Variants in FOXP1 observed in about 807,000 individuals in gnomAD.
FOXP1 encodes forkhead box protein P1.
A neutral mutation model predicts 98.2 loss-of-function variants in FOXP1; 15 were observed. The observed-to-expected ratio is 0.15, with a 90% confidence interval of 0.10 to 0.24. The LOEUF (loss-of-function observed/expected upper bound fraction) is 0.24. FOXP1 is among the 10% of genes least tolerant of loss of function. FOXP1 has a pLI of 1.00. For synonymous variants in FOXP1, 371 were observed against 314.5 expected (o/e 1.18, Z -1.90); for missense variants, 633 against 848.5 (o/e 0.75, Z 3.15).
chr3:71,017,169 A>T (rs2044621696), intron 11 of FOXP1, among the ~76,000 whole-genome samples: 1 of 152,176 alleles, frequency 6.6e-6, no homozygotes, highest in South Asian at 2.1e-4. Flanking sequence ...AGCAGTTAAC[A>T]GGGTAAAACT....
intron 2 of FOXP1, among the ~76,000 whole-genome samples, chr3:71,539,297 T>G (rs1233319333): frequency 1.6e-5 from 2 of 128,350 alleles, no homozygotes; most frequent in Non-Finnish European, 3.4e-5. Flanking sequence ...TTTTTTTTTG[T>G]ATGTTAGTAG....
chr3:71,356,401 T>C (rs2078163067), intron 4 of FOXP1, among the ~76,000 whole-genome samples: 1 of 152,152 alleles, frequency 6.6e-6, no homozygotes, highest in Middle Eastern at 3.4e-3. Flanking sequence ...TACAAGGGAA[T>C]ACCAGGTGAG....
chr3:70,967,835 C>T (rs1450501041), intron 19 of FOXP1, among the ~76,000 whole-genome samples: 1 of 149,290 alleles, frequency 6.7e-6, no homozygotes, highest in East Asian at 2.0e-4. Flanking sequence ...ACTGGAAATA[C>T]CATAAGATAA....
At chr3:71,258,133 C>T (rs146652549) in intron 5 of FOXP1, among the ~76,000 whole-genome samples, 2 of 152,184 alleles carry the variant, frequency 1.3e-5, no homozygotes, top group African/African-American at 2.4e-5. Flanking sequence ...TTGTGGCTTT[C>T]GAATCTGAAA....
chr3:71,160,967 G>A (rs1436144327), intron 6 of FOXP1, among the ~76,000 whole-genome samples: 2 of 152,152 alleles, frequency 1.3e-5, no homozygotes, highest in Non-Finnish European at 2.9e-5. Flanking sequence ...AGACGGGAGT[G>A]ACTGAACTTA....
At chr3:71,404,859 G>A (rs1560437285) in intron 3 of FOXP1, among the ~76,000 whole-genome samples, 1 of 152,096 alleles carries the variant, frequency 6.6e-6, no homozygotes, top group African/African-American at 2.4e-5. Context: ...TAGACTAAAC[G>A]GCAGACAGAG....
At chr3:71,190,053 C>A (rs1356930526) in intron 6 of FOXP1, among the ~76,000 whole-genome samples, 1 of 152,220 alleles carries the variant, frequency 6.6e-6, no homozygotes, top group East Asian at 1.9e-4. Flanking sequence ...GATTTCTTCC[C>A]TTCCAAGCCA....
chr3:71,461,798 T>C (rs1384964967), intron 3 of FOXP1, among the ~76,000 whole-genome samples: 2 of 150,232 alleles, frequency 1.3e-5, no homozygotes, highest in Non-Finnish European at 3.0e-5. Context: ...AGACTCTGTA[T>C]CGAAGAAAAA....
chr3:71,357,980 T>C (rs1340694182), intron 4 of FOXP1, among the ~76,000 whole-genome samples: 2 of 152,168 alleles, frequency 1.3e-5, no homozygotes, highest in South Asian at 4.1e-4. Context: ...GATTCATGAA[T>C]TGGGATTCTG....
chr3:71,237,171 G>T (rs894627382), intron 5 of FOXP1, among the ~76,000 whole-genome samples: 20 of 121,120 alleles, frequency 1.7e-4, no homozygotes, highest in African/African-American at 6.0e-4. Flanking sequence ...GGCAGAGGTT[G>T]CAATGAACTG....
At chr3:71,540,481 T>C (rs1157221045) in intron 2 of FOXP1, among the ~76,000 whole-genome samples, 2 of 152,268 alleles carry the variant, frequency 1.3e-5, no homozygotes, top group Non-Finnish European at 2.9e-5. Context: ...CTACTTTCCT[T>C]TGTTGTCAAG....
rs1251449022 is a variant in FOXP1 at position 71,169,266 on chromosome 3, T to C, written c.180+28936A>G. Among the ~76,000 whole-genome samples, 5 of 152,228 alleles carry C rather than the reference T, an allele frequency of 3.3e-5. No homozygotes were observed. The East Asian group carries it at 5.8e-4, about 18-fold the overall frequency. On this transcript the variant is annotated intron_variant, in intron 6 of 20. Transcript: ENST00000649528. ...TTGCCTGGCAGTAAATGGACGCCTC[T>C]GCCCTAGCGTCTTCTAAACAACTCC...
intron 4 of FOXP1, among the ~76,000 whole-genome samples, chr3:71,300,252 C>T (rs2073731159): frequency 6.6e-6 from 1 of 152,174 alleles, no homozygotes; most frequent in Non-Finnish European, 1.5e-5. Context: ...ATATCCACAA[C>T]ATCTCTTATT....
intron 11 of FOXP1, among the ~76,000 whole-genome samples, chr3:71,027,535 CTG>C (rs1455845222): frequency 6.6e-6 from 1 of 152,182 alleles, no homozygotes; most frequent in Non-Finnish European, 1.5e-5. Flanking sequence ...TTAACATTCA[CTG>C]GGTTAAATTC....
chr3:71,321,844 A>T (rs537280012), intron 4 of FOXP1, among the ~76,000 whole-genome samples: 1 of 152,112 alleles, frequency 6.6e-6, no homozygotes, highest in South Asian at 2.1e-4. Context: ...GATGGTCTTG[A>T]TCTCCTGACC....
intron 6 of FOXP1, among the ~76,000 whole-genome samples, chr3:71,170,974 C>T (rs2061624094): frequency 6.6e-6 from 1 of 152,092 alleles, no homozygotes; most frequent in Non-Finnish European, 1.5e-5. Flanking sequence ...TTTAACTGGT[C>T]TTCTTCCAAA....
intron 2 of FOXP1, among the ~76,000 whole-genome samples, chr3:71,522,281 A>G (rs927775677): frequency 6.6e-6 from 1 of 152,140 alleles, no homozygotes; most frequent in African/African-American, 2.4e-5. Flanking sequence ...TAATATTCCT[A>G]TTTCTCAGGG....
intron 6 of FOXP1, among the ~76,000 whole-genome samples, chr3:71,167,713 T>C (rs2061457001): frequency 6.6e-6 from 1 of 152,224 alleles, no homozygotes; most frequent in South Asian, 2.1e-4. Flanking sequence ...CATTATTTAA[T>C]CCCAAATCCC....
At chr3:71,159,744 A>T (rs1475531621) in intron 6 of FOXP1, among the ~76,000 whole-genome samples, 1 of 151,506 alleles carries the variant, frequency 6.6e-6, no homozygotes. Context: ...CAAGAGGTTT[A>T]AAAAAAATCA....
Sources: allele counts gnomAD v4.1 joint callset (sites outside exome capture counted in the v4.1 genomes callset), GRCh38; gene constraint gnomAD v4.1.1; transcripts MANE v1.5; gene names NCBI Gene and HGNC (gene_info 2026-07-23, HGNC 2026-07-21).